The following LTBP2 variants were observed in gnomAD, a reference collection of about 807,000 sequenced individuals.
LTBP2 encodes the protein latent-transforming growth factor beta-binding protein 2.
In LTBP2, 103 loss-of-function variants were observed where a neutral mutation model predicts 210.6. The observed-to-expected ratio is 0.49, with a 90% CI of 0.42 to 0.58. The LOEUF is 0.58. Among genes scored for constraint, LTBP2 ranks in the 20% least tolerant of loss-of-function variants. The pLI is 0.00. For missense variants in LTBP2, 2,313 were observed against 2,494.5 expected, an observed-to-expected ratio of 0.93 and a Z score of 1.55; for synonymous variants, 1,007 against 1,015.0, an observed-to-expected ratio of 0.99 and a Z score of 0.15.
rs771041436 is a variant in LTBP2, at chr14:74,532,456, T to C, written c.1957A>G (p.Met653Val). 4.3e-6 allele frequency: 7 copies of C among 1,614,168 alleles called. No homozygotes were observed. The South Asian group carries it at 7.7e-5, about 18-fold the overall frequency. Reference protein sequence around the residue: ...SYLCTCRPGLMLDPSRSRCVS... With the variant: ...SYLCTCRPGLVLDPSRSRCVS... Reference sequence around the variant, plus strand: ...CAGCGGCTCCGCGATGGATCCAGCATGAGGCCAGGTCTGCATGTGCACAGG... The same window carrying C: ...CAGCGGCTCCGCGATGGATCCAGCACGAGGCCAGGTCTGCATGTGCACAGG... The change falls in exon 10 of 36, where the codon ATG becomes GTG. Residue 653 changes from methionine to valine, a missense_variant. Around this residue, in one of 3 missense-constraint regions of LTBP2, gnomAD observed 1,867 missense variants for 1,976.9 expected, o/e 0.94. Transcript: ENST00000261978.
chr14:74,528,056 A>C (rs1023677002), intron 12 of LTBP2, among the ~76,000 whole-genome samples: 1 of 152,148 alleles, frequency 6.6e-6, no homozygotes. Flanking sequence ...CTGGGGTCCA[A>C]GGCCGTTGAG....
At chr14:74,594,583 C>T (rs1391206367) in intron 2 of LTBP2, among the ~76,000 whole-genome samples, 2 of 152,232 alleles carry the variant, frequency 1.3e-5, no homozygotes, top group Non-Finnish European at 2.9e-5. Flanking sequence ...GGACAGTTTG[C>T]ACCTCATCCA....
intron 27 of LTBP2, 130 bp from the exon 28 acceptor site, chr14:74,506,321 T>C (rs2086984428): frequency 4.0e-6 from 5 of 1,259,388 alleles, no homozygotes; most frequent in Non-Finnish European, 5.7e-6. Context: ...AGTATAGATT[T>C]GTAGGGAGGA....
At position 74,504,671 on chromosome 14, in the gene LTBP2, C is replaced by T. The variant is rs11159087; in HGVS notation, c.4453+107G>A. 175,208 of 1,068,984 alleles carry T rather than the reference C, an allele frequency of 0.16. 15,643 individuals carry two copies. Among genetic ancestry groups the T allele is most frequent in the Admixed American group, 0.29 (16,423 of 57,500 alleles). 66.2% of individuals were successfully genotyped at this position (1,068,984 alleles called of 1,614,324 possible). A position where few individuals can be genotyped will look rare whatever the true frequency, so the allele number is the denominator to read the frequency against. The stretch of plus-strand genomic sequence containing the variant: ...CCTGGGACAGAAAAGGTGGAGGCAA[C>T]CTGCGAGGCCAGGGCTGGATGCAGA... On this transcript the variant is annotated intron_variant, in intron 30 of 35. Transcript: ENST00000261978.
chr14:74,550,012 C>G (rs1329068149), intron 7 of LTBP2, 47 bp from the exon 8 acceptor site: 2 of 1,241,580 alleles, frequency 1.6e-6, no homozygotes, highest in African/African-American at 3.0e-5. Context: ...CCTTCCCTCC[C>G]AGGCTGTGCA....
At chr14:74,571,005 A>G (rs948734774) in intron 3 of LTBP2, among the ~76,000 whole-genome samples, 6 of 151,732 alleles carry the variant, frequency 4.0e-5, no homozygotes, top group Non-Finnish European at 4.4e-5. Flanking sequence ...GTACAGAACC[A>G]TGAACCAAAT....
intron 16 of LTBP2, 139 bp downstream of exon 16, chr14:74,522,651 A>C: frequency 9.9e-7 from 1 of 1,013,452 alleles, no homozygotes; most frequent in Non-Finnish European, 1.4e-6. Flanking sequence ...GTCCACAGGG[A>C]CTGTGCTCCT....
chr14:74,534,790 C>A (rs759114889), intron 9 of LTBP2, among the ~76,000 whole-genome samples: 6 of 151,974 alleles, frequency 3.9e-5, no homozygotes, highest in Non-Finnish European at 8.8e-5. Context: ...ATGAGCAGGT[C>A]CCTTCGCAGA....
At chr14:74,549,744 T>C (rs2087625082) in intron 8 of LTBP2, 119 bp downstream of exon 8, 1 of 860,302 alleles carries the variant, frequency 1.2e-6, no homozygotes, top group African/African-American at 1.7e-5. Flanking sequence ...AAGTCTGCAG[T>C]TTACCAGCCT....
At chr14:74,504,908 C>CT (rs778575367) in intron 29 of LTBP2, 47 bp from the exon 30 acceptor site, 1 of 1,613,010 alleles carries the variant, frequency 6.2e-7, no homozygotes, top group South Asian at 1.1e-5. Flanking sequence ...GCCCTGCCCC[C>CT]TTCCTCTCTC....
At chr14:74,527,499 T>G (rs2087289316) in intron 12 of LTBP2, 133 bp from the exon 13 acceptor site, 1 of 958,972 alleles carries the variant, frequency 1.0e-6, no homozygotes, top group Non-Finnish European at 1.6e-6. Context: ...ACAGAAAGCG[T>G]GGACTCTTCT....
rs1011415701 is a variant in LTBP2, at chr14:74,506,635, G to C, written c.4033+63C>G. 3 of 1,603,396 alleles carry C rather than the reference G, an allele frequency of 1.9e-6. No homozygotes were observed. The South Asian group carries it at 3.3e-5, about 18-fold the overall frequency. ...AGCCACGTGACCAGGACCAGTTGAG[G>C]AGGAGGACCCCAGGGCCTTCCCTTC... On this transcript the variant is annotated intron_variant, in intron 27 of 35. Transcript: ENST00000261978.
chr14:74,501,134 C>G, intron 35 of LTBP2, 105 bp from the exon 36 acceptor site: 2 of 1,367,594 alleles, frequency 1.5e-6, no homozygotes, highest in East Asian at 2.5e-5. Context: ...GAGTGAAACC[C>G]TAAGTGTGAC....
chr14:74,576,069 C>A lies in LTBP2; in HGVS notation c.830+9785G>T, dbSNP rs112844692. On this transcript the variant is annotated intron_variant, in intron 3 of 35. Transcript: ENST00000261978. ...CACTCCTGAGGGTCTGTCAAGCCCA[C>A]TCTCCCTGCCCTCAGGGGAGAGGCA... Among the ~76,000 whole-genome samples, 220 of 152,324 alleles carry A rather than the reference C, an allele frequency of 1.4e-3. 1 individual carries two copies. The highest frequency in any genetic ancestry group is 5.0e-3 in the African/African-American group (207 of 41,582).
At position 74,506,919 on chromosome 14, in the gene LTBP2, A is replaced by G. The variant is rs920137180; in HGVS notation, c.3908-96T>C. On this transcript the variant is annotated intron_variant, in intron 26 of 35. Transcript: ENST00000261978. ...TGCTCACTCTCTCACACGCATGCAC[A>G]CTCTCTCGTTCTCTGCTGAGAATAC... 4 of 1,576,078 alleles carry G rather than the reference A, an allele frequency of 2.5e-6. No individual in the cohort carries two copies. The African/African-American group carries it at 4.1e-5, about 16-fold the overall frequency.
intron 8 of LTBP2, among the ~76,000 whole-genome samples, chr14:74,537,764 CT>C (rs906580921): frequency 6.6e-6 from 1 of 151,456 alleles, no homozygotes; most frequent in African/African-American, 2.4e-5. Flanking sequence ...TCTTCTTCTT[CT>C]TTTTTTTGAG....
At position 74,508,831 on chromosome 14, in the gene LTBP2, C is replaced by T; in HGVS notation, c.3525G>A (p.Glu1175=). The change falls in exon 23 of 36, where the codon GAG becomes GAA. Residue 1175 remains glutamate, a splice_region_variant and synonymous_variant. Coordinates refer to ENST00000261978, the MANE Select transcript of LTBP2 (RefSeq NM_000428.3). ...AGTAGGGTGACCTGGGTCACTCACC[C>T]TCACACACGGTGCCATTGGCCAGCT... ...GFQLANGTVC[E]DVNECMGEEH... is the part of the protein sequence containing the mutation. 2 of 1,613,752 alleles carry T rather than the reference C, an allele frequency of 1.2e-6. No homozygotes were observed. The highest frequency in any genetic ancestry group is 2.7e-5 in the African/African-American group (2 of 75,036).
chr14:74,531,480 C>T (rs576182461), intron 10 of LTBP2, among the ~76,000 whole-genome samples: 97 of 152,280 alleles, frequency 6.4e-4, no homozygotes, highest in Non-Finnish European at 1.2e-3. Context: ...TTCTTGAGAG[C>T]GGTCTGACAT....
rs1415016895 is a variant in LTBP2, at chr14:74,529,091, C to T, written c.2019G>A (p.Leu673=). 1.3e-6 allele frequency: 2 copies of T among 1,552,994 alleles called. No homozygotes were observed. The highest frequency in any genetic ancestry group is 2.7e-5 in the African/African-American group (2 of 73,220). ...TGCCGGGCCCCAGCGACCGGTAGCA[C>T]AGTCCCTGCAGCATGGAGATTGCCT... ...SDKAISMLQG[L]CYRSLGPGTC... is the part of the protein sequence containing the mutation. The change falls in exon 11 of 36, where the codon CTG becomes CTA. Residue 673 remains leucine (L), a synonymous_variant. Coordinates refer to ENST00000261978, the MANE Select transcript of LTBP2 (RefSeq NM_000428.3).
Sources: gnomAD v4.1 joint callset for allele counts (sites outside exome capture counted in the v4.1 genomes callset) on GRCh38, gnomAD v4.1.1 for gene constraint, gnomAD v4.1.1 regional missense constraint, MANE v1.5 for transcripts, NCBI Gene and HGNC (gene_info 2026-07-23, HGNC 2026-07-21) for gene names.